Variants in EFR3A observed in about 807,000 individuals in gnomAD.
EFR3A encodes EFR3 homolog A.
In EFR3A, 76 loss-of-function variants were observed where a neutral mutation model predicts 104.4. The observed-to-expected ratio is 0.73, with a 90% CI of 0.60 to 0.88. The LOEUF is 0.88. EFR3A is among the 40% of genes least tolerant of loss of function. The pLI, the probability that EFR3A is intolerant of heterozygous loss-of-function variation, is 0.00. For synonymous variants in EFR3A, 330 were observed against 330.0 expected, an observed-to-expected ratio of 1.00 and a Z score of 0.00; for missense variants, 985 against 1,012.5, an observed-to-expected ratio of 0.97 and a Z score of 0.37.
chr8:131,957,328 T>A (rs759732637), intron 7 of EFR3A, among the ~76,000 whole-genome samples: 1 of 151,394 alleles, frequency 6.6e-6, no homozygotes, highest in Non-Finnish European at 1.5e-5. Flanking sequence ...TCATGTCTAA[T>A]TTGAAGATTT....
chr8:131,953,882 C>T lies in EFR3A; in HGVS notation c.553C>T (p.Arg185Trp), dbSNP rs1818836322. The part of the protein sequence containing the change: ...VVRKTVNDEL[R>W]ATIWEPQHMD... ...TCGCAAAACAGTCAACGATGAACTT[C>T]GGGCCACCATTTGGGAACCTCAGCA... Residue 185 changes from arginine (R) to tryptophan (W), a missense_variant, in exon 6 of 23, where the codon CGG (arginine) becomes TGG (tryptophan). Coordinates refer to ENST00000254624, the MANE Select transcript of EFR3A (RefSeq NM_015137.6). 6.3e-7 allele frequency: 1 copy of T among 1,575,234 alleles called. No homozygotes were observed. The highest frequency in any genetic ancestry group is 1.4e-5 in the African/African-American group (1 of 73,686).
chr8:131,920,697 T>G (rs1159182712), intron 1 of EFR3A, among the ~76,000 whole-genome samples: 2 of 152,106 alleles, frequency 1.3e-5, no homozygotes, highest in Non-Finnish European at 2.9e-5. Flanking sequence ...TTTTTTTTTT[T>G]TCAAAAAGAA....
At chr8:131,967,525 A>G (rs1819802689) in intron 8 of EFR3A, among the ~76,000 whole-genome samples, 1 of 151,224 alleles carries the variant, frequency 6.6e-6, no homozygotes, top group Non-Finnish European at 1.5e-5. Flanking sequence ...ATCGTGACTC[A>G]TGGGTGTAAG....
At chr8:131,968,156 T>A (rs779020544) in intron 8 of EFR3A, 139 bp from the exon 9 acceptor site, 45 of 667,594 alleles carry the variant, frequency 6.7e-5, no homozygotes, top group Admixed American at 1.7e-4. Context: ...GGCTTTGTAT[T>A]GTGGCTATTT....
chr8:131,959,562 A>T (rs1162177953), intron 7 of EFR3A, 23 bp from the exon 8 acceptor site: 57 of 1,598,748 alleles, frequency 3.6e-5, no homozygotes, highest in Non-Finnish European at 4.4e-5. Context: ...AGAGAATTTT[A>T]AAGTAATTTT....
intron 10 of EFR3A, among the ~76,000 whole-genome samples, chr8:131,974,882 C>T (rs1442811082): frequency 6.6e-6 from 1 of 152,122 alleles, no homozygotes; most frequent in African/African-American, 2.4e-5. Context: ...AGAAGCTCAA[C>T]AGTTACATTG....
chr8:131,984,951 A>G lies in EFR3A; in HGVS notation c.1760A>G (p.Asp587Gly), dbSNP rs1820801660. ...ALQDSAIINE[D>G]NLPMFHRCGI... is the part of the protein sequence containing the mutation. ...AAGGACAGTGCAATTATCAATGAGG[A>G]TAATTTGCCAATGTTCCATCGTTGT... The change falls in exon 16 of 23, where the codon GAT becomes GGT. Residue 587 changes from aspartate (D) to glycine (G), a missense_variant. By Grantham distance (94) the Asp-to-Gly change is moderately conservative. Transcript: ENST00000254624. The G allele has an allele frequency of 6.2e-7, 1 of 1,613,450 alleles. No homozygotes were observed. The highest frequency in any genetic ancestry group is 1.7e-5 in the Admixed American group (1 of 59,958).
intron 1 of EFR3A, among the ~76,000 whole-genome samples, chr8:131,919,798 G>A (rs1482004050): frequency 1.3e-5 from 2 of 151,320 alleles, no homozygotes; most frequent in Non-Finnish European, 2.9e-5. Flanking sequence ...TTGTGAAAAC[G>A]AAAGACTCTG....
intron 1 of EFR3A, among the ~76,000 whole-genome samples, chr8:131,936,857 G>A (rs1817920241): frequency 6.6e-6 from 1 of 152,086 alleles, no homozygotes; most frequent in South Asian, 2.1e-4. Flanking sequence ...CCAGCCACCT[G>A]GAAGCCCATC....
At position 131,953,804 on chromosome 8, in the gene EFR3A, T is replaced by A; in HGVS notation, c.489-14T>A. 1 of 1,486,480 alleles carries A rather than the reference T, an allele frequency of 6.7e-7. No homozygotes were observed. The allele number at this position is 1,486,480 out of a possible 1,614,324, so 92.1% of individuals were successfully genotyped here. On this transcript the variant is annotated splice_polypyrimidine_tract_variant and intron_variant, in intron 5 of 22. Coordinates refer to ENST00000254624, the MANE Select transcript of EFR3A (RefSeq NM_015137.6). The stretch of plus-strand genomic sequence containing the variant: ...TTTATGGCTCATTTTCTTCCTTTTT[T>A]TTTTTTTTTATAGGATACGAATTGC...
chr8:131,943,349 A>G (rs79377088), intron 2 of EFR3A, among the ~76,000 whole-genome samples: 5,403 of 152,118 alleles, frequency 0.036, 215 homozygotes, highest in South Asian at 0.16. Context: ...TTATATATAG[A>G]TTATTCTTCA....
chr8:131,984,995 G>T lies in EFR3A; in HGVS notation c.1804G>T (p.Ala602Ser). The T allele has an allele frequency of 6.2e-7, 1 of 1,613,578 alleles. No individual in the cohort carries two copies. The highest frequency in any genetic ancestry group is 8.5e-7 in the Non-Finnish European group (1 of 1,179,604). Residue 602 changes from alanine to serine, a missense_variant, in exon 16 of 23, where the codon GCA becomes TCA. By Grantham distance (99) the Ala-to-Ser change is moderately conservative. Transcript: ENST00000254624. ...FHRCGIMALV[A>S]AYLNFVSQMI... Reference sequence around the variant, plus strand: ...TCGTTGTGGAATCATGGCACTGGTTGCAGCATACCTCAACTTTGTAAGTCA... The same window carrying T: ...TCGTTGTGGAATCATGGCACTGGTTTCAGCATACCTCAACTTTGTAAGTCA...
chr8:131,937,586 T>C (rs559431361), intron 1 of EFR3A, among the ~76,000 whole-genome samples: 107 of 152,238 alleles, frequency 7.0e-4, no homozygotes, highest in African/African-American at 2.6e-3. Flanking sequence ...GTTTTCTCTT[T>C]TATGTGCTGG....
At chr8:131,905,058 A>G (rs777563876) in intron 1 of EFR3A, among the ~76,000 whole-genome samples, 2 of 152,206 alleles carry the variant, frequency 1.3e-5, no homozygotes, top group Non-Finnish European at 2.9e-5. Context: ...CGATACTACA[A>G]GTACTGCTAA....
Position 131,940,545 on chromosome 8 carries a change from G to A in EFR3A, c.57G>A (p.Leu19=). 1 of 1,608,096 alleles carries A rather than the reference G, an allele frequency of 6.2e-7. No homozygotes were observed. The highest frequency in any genetic ancestry group is 8.5e-7 in the Non-Finnish European group (1 of 1,177,716). The change falls in exon 2 of 23, where the codon CTG becomes CTA. Residue 19 remains leucine, a synonymous_variant. Transcript: ENST00000254624. Reference sequence around the variant, plus strand: ...CTTTGCGTCCTCGCTACAAACGCCTGGTGGACAACATATTCCCTGAAGATC... The same window carrying A: ...CTTTGCGTCCTCGCTACAAACGCCTAGTGGACAACATATTCCCTGAAGATC... ...CSALRPRYKR[L]VDNIFPEDPK... is the part of the protein sequence containing the mutation.
chr8:131,942,905 A>G (rs1464491862), intron 2 of EFR3A, among the ~76,000 whole-genome samples: 1 of 152,090 alleles, frequency 6.6e-6, no homozygotes, highest in Non-Finnish European at 1.5e-5. Flanking sequence ...GATTCTATTT[A>G]TGTCAGATGC....
At position 131,985,054 on chromosome 8, in the gene EFR3A, T is replaced by G; in HGVS notation, c.1863T>G (p.Val621=). ...MIAVPAFCQH[V]SKVIEIRTME... is the part of the protein sequence containing the mutation. ...CTGTCCCTGCATTTTGCCAGCATGT[T>G]AGCAAGGTAATGTATTTAGAAAAGT... Residue 621 remains valine, a synonymous_variant, in exon 16 of 23, where the codon GTT becomes GTG. Coordinates refer to ENST00000254624, the MANE Select transcript of EFR3A (RefSeq NM_015137.6). The G allele has an allele frequency of 6.2e-7, 1 of 1,613,192 alleles. No individual in the cohort carries two copies. The highest frequency in any genetic ancestry group is 1.3e-5 in the African/African-American group (1 of 75,022).
At chr8:131,947,980 T>G (rs955458521) in intron 4 of EFR3A, among the ~76,000 whole-genome samples, 1 of 152,120 alleles carries the variant, frequency 6.6e-6, no homozygotes, top group Non-Finnish European at 1.5e-5. Context: ...ATACCTACTT[T>G]AAAAAGAAAA....
chr8:132,002,604 T>A lies in EFR3A; in HGVS notation c.2208T>A (p.Asp736Glu). 1 of 1,609,936 alleles carries A rather than the reference T, an allele frequency of 6.2e-7. No individual in the cohort carries two copies. The highest frequency in any genetic ancestry group is 1.3e-5 in the African/African-American group (1 of 74,938). ...ITFEALKKAI[D>E]TSGMEEQEKE... The stretch of plus-strand genomic sequence containing the variant: ...AAGTCTTTATAAATATTTGTATAGA[T>A]ACCAGTGGAATGGAAGAACAGGAAA... Residue 736 changes from aspartate (D) to glutamate (E), a missense_variant and splice_region_variant, in exon 21 of 23, where the codon GAT becomes GAA. Physicochemically the swap from Asp to Glu is conservative, Grantham distance 45. Transcript: ENST00000254624.
Sources: allele counts gnomAD v4.1 joint callset (sites outside exome capture counted in the v4.1 genomes callset), GRCh38; gene constraint gnomAD v4.1.1; transcripts MANE v1.5; gene names NCBI Gene and HGNC (gene_info 2026-07-23, HGNC 2026-07-21).